SUSD1: variants seen among roughly 807,000 people sequenced by gnomAD.
The protein encoded by SUSD1 is sushi domain-containing protein 1.
A neutral mutation model predicts 86.9 loss-of-function variants in SUSD1; 65 were observed. That is an observed-to-expected ratio of 0.75 (90% CI 0.61 to 0.92). The LOEUF is 0.92. Among genes scored for constraint, SUSD1 ranks in the 40% least tolerant of loss-of-function variants. The probability of loss-of-function intolerance (pLI) is 0.00; values close to 1 mark genes in which losing one functional copy is unlikely to be tolerated. For missense variants in SUSD1, 850 were observed against 929.7 expected, an observed-to-expected ratio of 0.91 and a Z score of 1.11; for synonymous variants, 346 against 350.0, an observed-to-expected ratio of 0.99 and a Z score of 0.13.
intron 12 of SUSD1, among the ~76,000 whole-genome samples, chr9:112,067,259 C>T (rs1234460545): frequency 6.6e-6 from 1 of 152,226 alleles, no homozygotes; most frequent in Non-Finnish European, 1.5e-5. Context: ...GTCCATCCTC[C>T]CAGGTCTGGC....
At chr9:112,046,114 T>A (rs1827946150) in intron 15 of SUSD1, among the ~76,000 whole-genome samples, 1 of 152,252 alleles carries the variant, frequency 6.6e-6, no homozygotes, top group Non-Finnish European at 1.5e-5. Context: ...CCTGGTTATA[T>A]GTCTTTTTGT....
rs375990975 is a variant in SUSD1 at position 112,142,544 on chromosome 9, T to C, written c.527-45A>G. 2.2e-4 allele frequency: 353 copies of C among 1,578,566 alleles called. 2 individuals carry two copies. In the Middle Eastern group the frequency reaches 6.0e-3, roughly 27 times the overall value. ...AAATTCATTACCTCGTGAATGTAAA[T>C]CTTCAAAATTCACAATCTCTCTCCA... On this transcript the variant is annotated intron_variant, in intron 4 of 16. Transcript: ENST00000374270.
At chr9:112,084,279 A>T (rs916208546) in intron 10 of SUSD1, among the ~76,000 whole-genome samples, 2 of 152,244 alleles carry the variant, frequency 1.3e-5, no homozygotes, top group Non-Finnish European at 2.9e-5. Flanking sequence ...TTAATAAATT[A>T]GTATACCTTT....
chr9:112,117,962 G>T (rs910875435), intron 6 of SUSD1, among the ~76,000 whole-genome samples: 1 of 152,216 alleles, frequency 6.6e-6, no homozygotes, highest in African/African-American at 2.4e-5. Context: ...AGTAGGCTGA[G>T]AAGAGCATAG....
chr9:112,103,203 T>C (rs1191329269), intron 8 of SUSD1: 2 of 449,414 alleles, frequency 4.5e-6, no homozygotes, highest in South Asian at 1.7e-5. Flanking sequence ...TTAGTCAAGA[T>C]CAGAATTGTC....
At chr9:112,139,831 G>A (rs1334693819) in intron 5 of SUSD1, among the ~76,000 whole-genome samples, 1 of 151,960 alleles carries the variant, frequency 6.6e-6, no homozygotes, top group Non-Finnish European at 1.5e-5. Context: ...TTTAGATTAT[G>A]GACATATAGC....
At chr9:112,160,974 C>G (rs1833540569) in intron 1 of SUSD1, among the ~76,000 whole-genome samples, 1 of 152,144 alleles carries the variant, frequency 6.6e-6, no homozygotes, top group Admixed American at 6.5e-5. Flanking sequence ...AGGATGAGTC[C>G]CCATACCTAA....
intron 2 of SUSD1, among the ~76,000 whole-genome samples, chr9:112,150,132 C>A (rs554308873): frequency 1.4e-4 from 22 of 152,342 alleles, no homozygotes; most frequent in Non-Finnish European, 4.4e-5. Context: ...CAACAACTCA[C>A]CTGTGCTCAT....
At chr9:112,066,782 G>C (rs1828999945) in intron 12 of SUSD1, among the ~76,000 whole-genome samples, 1 of 152,062 alleles carries the variant, frequency 6.6e-6, no homozygotes, top group African/African-American at 2.4e-5. Context: ...ATCCCCACTG[G>C]CCCAGGGCCC....
At chr9:112,149,020 A>T (rs1218467119) in intron 3 of SUSD1, among the ~76,000 whole-genome samples, 1 of 152,174 alleles carries the variant, frequency 6.6e-6, no homozygotes, top group Non-Finnish European at 1.5e-5. Context: ...TTTGCCATTT[A>T]AAGTAGCTTA....
rs1831196381 is a variant in SUSD1, at chr9:112,113,744, C to A, written c.887-876G>T. ...CTCAGAAGTTTGAGACCAGCCTGGC[C>A]AACATAGTGAAACCCCATCTCTACT... On this transcript the variant is annotated intron_variant, in intron 6 of 16. Coordinates refer to ENST00000374270, the MANE Select transcript of SUSD1 (RefSeq NM_022486.5). The surrounding 1 kb of genome is among the most constrained non-coding windows in gnomAD (Gnocchi z 4.1). Among the ~76,000 whole-genome samples, 1 of 151,622 alleles carries A rather than the reference C, an allele frequency of 6.6e-6. No individual in the cohort carries two copies. Among genetic ancestry groups the A allele is most frequent in the Non-Finnish European group, 1.5e-5 (1 of 67,924 alleles).
intron 6 of SUSD1, among the ~76,000 whole-genome samples, chr9:112,123,745 T>C (rs1172637855): frequency 6.6e-6 from 1 of 151,704 alleles, no homozygotes; most frequent in South Asian, 2.1e-4. Flanking sequence ...GAGGTGGAGG[T>C]TGCAGTGAGC....
At chr9:112,082,482 C>T (rs568538405) in intron 10 of SUSD1, among the ~76,000 whole-genome samples, 2 of 152,068 alleles carry the variant, frequency 1.3e-5, no homozygotes, top group Non-Finnish European at 2.9e-5. Flanking sequence ...GATTTAAGAA[C>T]GGAAGCAGAG....
chr9:112,084,397 A>G (rs191654254), intron 10 of SUSD1, among the ~76,000 whole-genome samples: 1 of 152,308 alleles, frequency 6.6e-6, no homozygotes, highest in Non-Finnish European at 1.5e-5. Flanking sequence ...AAAGAATAAT[A>G]TAAAAAAGCA....
At chr9:112,116,833 GA>G (rs1009650292) in intron 6 of SUSD1, among the ~76,000 whole-genome samples, 44 of 152,176 alleles carry the variant, frequency 2.9e-4, no homozygotes, top group African/African-American at 9.9e-4. Context: ...GGAAGGACTT[GA>G]AAGAGTGTCT....
chr9:112,094,583 C>T (rs1263806176), intron 10 of SUSD1, among the ~76,000 whole-genome samples: 3 of 152,170 alleles, frequency 2.0e-5, no homozygotes, highest in Non-Finnish European at 4.4e-5. Context: ...TTCCCCATCT[C>T]TGAAAATAGA....
chr9:112,127,255 T>C (rs958915260), intron 5 of SUSD1, among the ~76,000 whole-genome samples: 1 of 152,040 alleles, frequency 6.6e-6, no homozygotes, highest in African/African-American at 2.4e-5. Context: ...GCGCCTGTAA[T>C]CCTACTACTC....
chr9:112,063,079 T>A (rs765057021), intron 12 of SUSD1, 46 bp from the exon 13 acceptor site: 1 of 1,254,132 alleles, frequency 8.0e-7, no homozygotes, highest in Non-Finnish European at 1.2e-6. Context: ...TTGGAACAAG[T>A]AAACAGCAGG....
rs571996993 is a variant in SUSD1 at position 112,153,474 on chromosome 9, C to T, written c.217+4026G>A. ...TCTTCTGCAATACATCCTGAAAGAC[C>T]TGCCTGAGGCTGTTTAGTAGTTAAG... is the stretch of plus-strand genomic sequence containing the variant. On this transcript the variant is annotated intron_variant, in intron 2 of 16. Transcript: ENST00000374270. 3.3e-5 allele frequency among the ~76,000 whole-genome samples: 5 copies of T among 152,202 alleles called. No homozygotes were observed. The East Asian group carries it at 7.7e-4, about 23-fold the overall frequency.
Sources: allele counts gnomAD v4.1 joint callset (sites outside exome capture counted in the v4.1 genomes callset), GRCh38; gene constraint gnomAD v4.1.1; non-coding constraint Gnocchi (gnomAD v3.1); transcripts MANE v1.5; gene names NCBI Gene and HGNC (gene_info 2026-07-23, HGNC 2026-07-21).